Variants in CDH18 observed in about 807,000 individuals in gnomAD.
CDH18 encodes the protein cadherin-18.
In CDH18, 31 loss-of-function variants were observed where a neutral mutation model predicts 67.9. That is an observed-to-expected ratio of 0.46 (90% CI 0.34 to 0.62). The LOEUF (loss-of-function observed/expected upper bound fraction) is 0.62. Among genes scored for constraint, CDH18 ranks in the 20% least tolerant of loss-of-function variants. The pLI, the probability that CDH18 is intolerant of heterozygous loss-of-function variation, is 0.01. For missense variants in CDH18, 890 were observed against 975.5 expected (o/e 0.91, Z 1.17); for synonymous variants, 362 against 347.2 (o/e 1.04, Z -0.48).
intron 2 of CDH18, among the ~76,000 whole-genome samples, chr5:20,092,325 A>C (rs1179751623): frequency 6.6e-6 from 1 of 152,172 alleles, no homozygotes; most frequent in African/African-American, 2.4e-5. Context: ...TGTTTTAAAG[A>C]CTTTGGAGTT....
At chr5:19,618,452 C>A (rs1750183062) in intron 5 of CDH18, among the ~76,000 whole-genome samples, 1 of 152,148 alleles carries the variant, frequency 6.6e-6, no homozygotes, top group Admixed American at 6.5e-5. Context: ...ATGATCCACC[C>A]ACTTTGGCCT....
chr5:20,267,466 T>C (rs925582100), intron 1 of CDH18, among the ~76,000 whole-genome samples: 1 of 152,168 alleles, frequency 6.6e-6, no homozygotes, highest in Non-Finnish European at 1.5e-5. Context: ...TCTAATTCTG[T>C]GAAAAATGAT....
intron 6 of CDH18, among the ~76,000 whole-genome samples, chr5:19,608,860 T>A (rs1333369337): frequency 2.0e-5 from 3 of 151,896 alleles, no homozygotes; most frequent in Admixed American, 2.0e-4. Context: ...TCATTGTGAT[T>A]ATTTGGCATG....
chr5:19,634,498 T>C (rs10941395), intron 5 of CDH18, among the ~76,000 whole-genome samples: 109,748 of 152,078 alleles, frequency 0.72, 40,066 homozygotes, highest in South Asian at 0.8. Context: ...TAATGTAGTA[T>C]ATGCAAAGCA....
intron 1 of CDH18, among the ~76,000 whole-genome samples, chr5:20,333,698 C>T (rs566035300): frequency 2.6e-5 from 4 of 151,882 alleles, no homozygotes; most frequent in African/African-American, 9.7e-5. Context: ...AAGAATTTAA[C>T]CGGCATCGAT....
chr5:20,495,953 A>G (rs567489954), intron 1 of CDH18, among the ~76,000 whole-genome samples: 43 of 152,300 alleles, frequency 2.8e-4, no homozygotes, highest in African/African-American at 9.4e-4. Flanking sequence ...AAGTTTGTGA[A>G]TTGGACAGGA....
chr5:19,652,295 T>C (rs1376944172), intron 5 of CDH18, among the ~76,000 whole-genome samples: 2 of 152,194 alleles, frequency 1.3e-5, no homozygotes, highest in South Asian at 2.1e-4. Flanking sequence ...TGAGAGAAAT[T>C]AGCAAGAGGA....
chr5:20,386,205 C>T (rs1173098270), intron 1 of CDH18, among the ~76,000 whole-genome samples: 1 of 152,164 alleles, frequency 6.6e-6, no homozygotes, highest in Non-Finnish European at 1.5e-5. Flanking sequence ...TTTCTTGGAG[C>T]TAGCAGATCT....
chr5:19,548,304 TAA>T (rs3036706), intron 8 of CDH18, among the ~76,000 whole-genome samples: 37 of 148,942 alleles, frequency 2.5e-4, no homozygotes, highest in East Asian at 1.8e-3. Flanking sequence ...GATTTTAAAT[TAA>T]AAAAAAAAAA....
At chr5:19,483,043 T>A (rs762503634) in intron 12 of CDH18, among the ~76,000 whole-genome samples, 1 of 152,202 alleles carries the variant, frequency 6.6e-6, no homozygotes, top group Admixed American at 6.5e-5. Flanking sequence ...TATTTTAATA[T>A]TAATTCTTTC....
intron 3 of CDH18, among the ~76,000 whole-genome samples, chr5:19,765,715 G>C (rs1772989637): frequency 6.6e-6 from 1 of 152,046 alleles, no homozygotes; most frequent in Admixed American, 6.6e-5. Context: ...GACAGTTAAA[G>C]AGTGTCTTTT....
At chr5:20,506,382 C>T (rs1754659325) in intron 1 of CDH18, among the ~76,000 whole-genome samples, 1 of 152,208 alleles carries the variant, frequency 6.6e-6, no homozygotes, top group African/African-American at 2.4e-5. Flanking sequence ...CATTACCTTC[C>T]TGGCTCAGGA....
intron 2 of CDH18, among the ~76,000 whole-genome samples, chr5:20,123,668 G>A (rs1336652139): frequency 1.3e-5 from 2 of 151,990 alleles, no homozygotes; most frequent in Non-Finnish European, 2.9e-5. Flanking sequence ...CGGGCGGATC[G>A]CGAGGTCAGG....
intron 8 of CDH18, among the ~76,000 whole-genome samples, chr5:19,562,065 C>A (rs1175691688): frequency 6.6e-6 from 1 of 152,122 alleles, no homozygotes; most frequent in Non-Finnish European, 1.5e-5. Context: ...TGGATCAGAA[C>A]ACAATGGCTG....
chr5:20,400,846 A>G (rs1323936787), intron 1 of CDH18, among the ~76,000 whole-genome samples: 1 of 152,198 alleles, frequency 6.6e-6, no homozygotes, highest in Admixed American at 6.6e-5. Context: ...CTAATAAATA[A>G]AAACCAACCA....
At chr5:20,554,851 A>G (rs530832951) in intron 1 of CDH18, among the ~76,000 whole-genome samples, 20 of 152,316 alleles carry the variant, frequency 1.3e-4, no homozygotes, top group African/African-American at 4.6e-4. Flanking sequence ...GAAGCAGTAA[A>G]GAAGACCAAA....
chr5:19,665,791 A>C (rs929852902), intron 5 of CDH18, among the ~76,000 whole-genome samples: 1 of 152,052 alleles, frequency 6.6e-6, no homozygotes, highest in African/African-American at 2.4e-5. Flanking sequence ...TGGGAAGAAT[A>C]GTTAATATTG....
intron 2 of CDH18, among the ~76,000 whole-genome samples, chr5:19,904,105 C>G (rs1790255244): frequency 6.6e-6 from 1 of 151,458 alleles, no homozygotes; most frequent in Non-Finnish European, 1.5e-5. Context: ...AAAATCGAGT[C>G]TCTACTAAAA....
chr5:20,318,193 A>G (rs1036838503), intron 1 of CDH18, among the ~76,000 whole-genome samples: 2 of 152,192 alleles, frequency 1.3e-5, no homozygotes, highest in Non-Finnish European at 2.9e-5. Flanking sequence ...GGAAAATTCA[A>G]GGTTATAGAA....
Sources: gnomAD v4.1 joint callset for allele counts (sites outside exome capture counted in the v4.1 genomes callset) on GRCh38, gnomAD v4.1.1 for gene constraint, MANE v1.5 for transcripts, NCBI Gene and HGNC (gene_info 2026-07-23, HGNC 2026-07-21) for gene names.